The following EDIL3 variants were observed in gnomAD, a reference collection of about 807,000 sequenced individuals.
EDIL3 encodes EGF like and discoidin domains 3, also known as EGF-like repeat and discoidin I-like domain-containing protein 3.
In EDIL3, 37 loss-of-function variants were observed where a neutral mutation model predicts 67.4. That is an observed-to-expected ratio of 0.55 (90% confidence interval 0.42 to 0.72). The LOEUF (loss-of-function observed/expected upper bound fraction) is 0.72. Ranked by LOEUF, EDIL3 falls within the 30% of genes least tolerant of loss-of-function variation. The pLI is 0.00. For synonymous variants in EDIL3, 195 were observed against 196.3 expected (o/e 0.99, Z 0.05); for missense variants, 527 against 586.3 (o/e 0.90, Z 1.04).
At chr5:84,182,809 A>ATTTTT in intron 3 of EDIL3, among the ~76,000 whole-genome samples, 1 of 149,040 alleles carries the variant, frequency 6.7e-6, no homozygotes, top group Non-Finnish European at 1.5e-5. Flanking sequence ...GGGCTCTGTG[A>ATTTTT]TTTTTTTTTT....
At chr5:84,103,552 C>T (rs1747406145) in intron 6 of EDIL3, among the ~76,000 whole-genome samples, 1 of 151,704 alleles carries the variant, frequency 6.6e-6, no homozygotes, top group Non-Finnish European at 1.5e-5. Flanking sequence ...AAAAAGTGGG[C>T]AAAGGACATA....
intron 9 of EDIL3, among the ~76,000 whole-genome samples, chr5:83,972,827 T>C (rs1174950483): frequency 6.6e-6 from 1 of 152,106 alleles, no homozygotes; most frequent in Admixed American, 6.6e-5. Flanking sequence ...AGTCATGACA[T>C]ATTTTTTAAA....
intron 2 of EDIL3, among the ~76,000 whole-genome samples, chr5:84,234,679 T>C (rs1424248740): frequency 2.6e-5 from 4 of 152,178 alleles, no homozygotes; most frequent in Non-Finnish European, 4.4e-5. Flanking sequence ...TTATGAAATA[T>C]AAAAACTACA....
chr5:84,120,351 C>G (rs995964569), intron 5 of EDIL3, among the ~76,000 whole-genome samples: 1 of 151,966 alleles, frequency 6.6e-6, no homozygotes, highest in Admixed American at 6.6e-5. Context: ...TCTTCCTTCT[C>G]CAGTCATCAA....
At chr5:84,249,430 TCATCTA>T (rs1744979680) in intron 2 of EDIL3, among the ~76,000 whole-genome samples, 1 of 145,562 alleles carries the variant, frequency 6.9e-6, no homozygotes, top group African/African-American at 2.5e-5. Context: ...TATCTATCTA[TCATCTA>T]TTTTTCTATC....
intron 10 of EDIL3, among the ~76,000 whole-genome samples, chr5:83,960,103 CTT>C (rs1034353127): frequency 2.0e-5 from 3 of 150,876 alleles, no homozygotes; most frequent in African/African-American, 7.3e-5. Flanking sequence ...AAATAATAAA[CTT>C]AGGCTTTTAT....
intron 1 of EDIL3, among the ~76,000 whole-genome samples, chr5:84,339,391 A>T (rs931501754): frequency 7.2e-5 from 11 of 152,140 alleles, no homozygotes; most frequent in African/African-American, 2.7e-4. Flanking sequence ...GTTCTCAAAA[A>T]ATATACTTAC....
intron 1 of EDIL3, among the ~76,000 whole-genome samples, chr5:84,358,926 A>G (rs568451742): frequency 1.3e-5 from 2 of 152,180 alleles, no homozygotes; most frequent in East Asian, 3.9e-4. Context: ...TGGTTTTAAA[A>G]GCAGTTCCAA....
Position 84,285,006 on chromosome 5 carries a change from T to C in EDIL3, c.68-30794A>G, listed in dbSNP as rs1745782436. Among the ~76,000 whole-genome samples the C allele has an allele frequency of 2.0e-5, 3 of 152,172 alleles. No individual in the cohort carries two copies. The South Asian group carries it at 6.2e-4, about 32-fold the overall frequency. ...TTTAGTTTAACAAACAAAACAAACATCTGTCACAAGAAGTCAGTACCTACA... is the reference window on the plus strand; with the variant it reads ...TTTAGTTTAACAAACAAAACAAACACCTGTCACAAGAAGTCAGTACCTACA... On this transcript the variant is annotated intron_variant, in intron 1 of 10. Transcript: ENST00000296591.
chr5:84,177,281 C>T (rs1748937291), intron 4 of EDIL3, among the ~76,000 whole-genome samples: 1 of 151,928 alleles, frequency 6.6e-6, no homozygotes, highest in South Asian at 2.1e-4. Context: ...CTATTAAGTC[C>T]TAAAAACACA....
chr5:84,245,986 G>C (rs1189770853), intron 2 of EDIL3, among the ~76,000 whole-genome samples: 1 of 149,178 alleles, frequency 6.7e-6, no homozygotes, highest in Non-Finnish European at 1.5e-5. Context: ...AAAAATAATT[G>C]AAGAGCTTTT....
At chr5:84,102,637 G>A (rs969891151) in intron 6 of EDIL3, among the ~76,000 whole-genome samples, 11 of 150,170 alleles carry the variant, frequency 7.3e-5, no homozygotes, top group African/African-American at 2.4e-4. Flanking sequence ...AAAAAAAAAC[G>A]AAAAAACCCT....
intron 6 of EDIL3, among the ~76,000 whole-genome samples, chr5:84,079,515 C>G (rs1746924998): frequency 6.6e-6 from 1 of 151,952 alleles, no homozygotes; most frequent in Admixed American, 6.6e-5. Context: ...GTTTTGTGAC[C>G]AGAAGTAAAG....
At chr5:84,189,061 C>CTGATT (rs1280284574) in intron 3 of EDIL3, among the ~76,000 whole-genome samples, 1 of 151,968 alleles carries the variant, frequency 6.6e-6, no homozygotes, top group African/African-American at 2.4e-5. Context: ...ATTAAGTAAA[C>CTGATT]CAGAGTTTTA....
chr5:84,113,370 C>T (rs994623371), intron 5 of EDIL3, among the ~76,000 whole-genome samples: 1 of 152,098 alleles, frequency 6.6e-6, no homozygotes, highest in Non-Finnish European at 1.5e-5. Context: ...AATTACACTG[C>T]CTGAATTGTC....
intron 9 of EDIL3, among the ~76,000 whole-genome samples, chr5:83,969,537 C>T (rs982840437): frequency 4.6e-5 from 7 of 151,534 alleles, no homozygotes; most frequent in African/African-American, 1.7e-4. Context: ...AATTTGTTTC[C>T]AATTCTTTTA....
chr5:84,096,147 C>T lies in EDIL3; in HGVS notation c.651+10502G>A, dbSNP rs552032178. On this transcript the variant is annotated intron_variant, in intron 6 of 10. Coordinates refer to ENST00000296591, the MANE Select transcript of EDIL3 (RefSeq NM_005711.5). ...CTGCTAGGGCAGTGCAGAAGGGAAA[C>T]GGGGGGTAAGAGCCCCCACACAGAG... Among the ~76,000 whole-genome samples the T allele has an allele frequency of 1.8e-4, 28 of 152,214 alleles. 1 individual carries two copies. Among genetic ancestry groups the T allele is most frequent in the South Asian group, 1.5e-3 (7 of 4,814 alleles).
intron 1 of EDIL3, among the ~76,000 whole-genome samples, chr5:84,374,211 A>G (rs1461704807): frequency 3.0e-5 from 4 of 134,652 alleles, no homozygotes; most frequent in Admixed American, 7.2e-5. Flanking sequence ...CAAGAACTGG[A>G]AAAAAAAAAA....
At chr5:84,364,703 T>C (rs1210860889) in intron 1 of EDIL3, among the ~76,000 whole-genome samples, 1 of 152,018 alleles carries the variant, frequency 6.6e-6, no homozygotes. Flanking sequence ...TAAAAATTAA[T>C]ATATTATATA....
Sources: allele counts gnomAD v4.1 joint callset (sites outside exome capture counted in the v4.1 genomes callset), GRCh38; gene constraint gnomAD v4.1.1; transcripts MANE v1.5; gene names NCBI Gene and HGNC (gene_info 2026-07-23, HGNC 2026-07-21).